CDH12: variants seen among roughly 807,000 people sequenced by gnomAD.
The protein encoded by CDH12 is cadherin 12.
CDH12 carries 41 observed loss-of-function variants against 74.1 expected under a neutral mutation model. The observed-to-expected ratio is 0.55, with a 90% CI of 0.43 to 0.72. The LOEUF is 0.72. CDH12 is among the 30% of genes least tolerant of loss of function. The probability of loss-of-function intolerance (pLI) is 0.00; values close to 1 mark genes in which losing one functional copy is unlikely to be tolerated. For missense variants in CDH12, 945 were observed against 977.2 expected, an observed-to-expected ratio of 0.97 and a Z score of 0.44; for synonymous variants, 399 against 355.0, an observed-to-expected ratio of 1.12 and a Z score of -1.39.
intron 3 of CDH12, among the ~76,000 whole-genome samples, chr5:22,252,212 T>G (rs1753160900): frequency 6.6e-6 from 1 of 152,172 alleles, no homozygotes; most frequent in South Asian, 2.1e-4. Context: ...GGGATTACTA[T>G]AATAGTACTG....
intron 2 of CDH12, among the ~76,000 whole-genome samples, chr5:22,499,631 C>G (rs905264049): frequency 1.3e-5 from 2 of 152,132 alleles, no homozygotes; most frequent in African/African-American, 2.4e-5. Flanking sequence ...GATATTTGAA[C>G]TAGAGGAGCA....
chr5:22,485,194 T>C (rs533294492), intron 2 of CDH12, among the ~76,000 whole-genome samples: 109 of 152,228 alleles, frequency 7.2e-4, no homozygotes, highest in East Asian at 3.5e-3. Context: ...CTTTTCTTTT[T>C]TTTTAGAGAC....
intron 4 of CDH12, among the ~76,000 whole-genome samples, chr5:22,135,193 A>G (rs1234994301): frequency 7.1e-6 from 1 of 141,212 alleles, no homozygotes. Context: ...CACATTAAAG[A>G]GGCTGAACAC....
intron 8 of CDH12, among the ~76,000 whole-genome samples, chr5:21,834,470 AG>A (rs1749420575): frequency 6.6e-6 from 1 of 151,910 alleles, no homozygotes; most frequent in Non-Finnish European, 1.5e-5. Flanking sequence ...TTAGAAGAAA[AG>A]CATGGCCCTA....
intron 1 of CDH12, among the ~76,000 whole-genome samples, chr5:22,578,357 A>G (rs1739899379): frequency 6.9e-6 from 1 of 144,208 alleles, no homozygotes; most frequent in South Asian, 2.3e-4. Flanking sequence ...GATATGAACT[A>G]TTAATATTTT....
At chr5:22,045,165 T>A (rs958828614) in intron 5 of CDH12, among the ~76,000 whole-genome samples, 3 of 152,262 alleles carry the variant, frequency 2.0e-5, no homozygotes, top group Admixed American at 1.3e-4. Flanking sequence ...AGAAGACATA[T>A]AAATGGCCAA....
intron 2 of CDH12, among the ~76,000 whole-genome samples, chr5:22,409,524 GA>G (rs1011016198): frequency 1.3e-5 from 2 of 151,716 alleles, no homozygotes; most frequent in African/African-American, 2.4e-5. Context: ...ATATTGATTT[GA>G]AAAAAATACA....
chr5:21,775,311 C>A (rs1745528092), intron 11 of CDH12, among the ~76,000 whole-genome samples: 1 of 152,176 alleles, frequency 6.6e-6, no homozygotes, highest in Non-Finnish European at 1.5e-5. Flanking sequence ...CCAATCAGTG[C>A]TTGTTCACAG....
At chr5:22,142,020 T>C (rs1006158153) in intron 4 of CDH12, among the ~76,000 whole-genome samples, 2 of 152,128 alleles carry the variant, frequency 1.3e-5, no homozygotes, top group Non-Finnish European at 2.9e-5. Context: ...ACATTACTCC[T>C]GGGCTTTTGG....
intron 3 of CDH12, among the ~76,000 whole-genome samples, chr5:22,389,913 G>A (rs1580597525): frequency 1.3e-5 from 2 of 152,062 alleles, no homozygotes; most frequent in South Asian, 4.2e-4. Context: ...CTCCCAAAGC[G>A]CTGGGATTAC....
intron 1 of CDH12, among the ~76,000 whole-genome samples, chr5:22,691,221 T>C (rs1441740331): frequency 6.6e-6 from 1 of 152,214 alleles, no homozygotes; most frequent in Non-Finnish European, 1.5e-5. Context: ...AAAAAGCCTG[T>C]GCTTCAATTG....
intron 2 of CDH12, among the ~76,000 whole-genome samples, chr5:22,449,407 T>C (rs1419392248): frequency 6.6e-6 from 1 of 152,074 alleles, no homozygotes; most frequent in Non-Finnish European, 1.5e-5. Context: ...GAATTCATTC[T>C]TTTCTCTGAA....
At chr5:22,701,264 C>A (rs945559786) in intron 1 of CDH12, among the ~76,000 whole-genome samples, 6 of 152,090 alleles carry the variant, frequency 3.9e-5, no homozygotes, top group African/African-American at 1.4e-4. Flanking sequence ...CCCATATCAG[C>A]AAATTGCACC....
chr5:22,725,003 T>G (rs1274085378), intron 1 of CDH12, among the ~76,000 whole-genome samples: 1 of 151,834 alleles, frequency 6.6e-6, no homozygotes, highest in East Asian at 1.9e-4. Flanking sequence ...TCAACTTAAT[T>G]TTACTGTGTT....
chr5:22,207,987 C>T (rs1751313190), intron 4 of CDH12, among the ~76,000 whole-genome samples: 1 of 152,132 alleles, frequency 6.6e-6, no homozygotes, highest in African/African-American at 2.4e-5. Flanking sequence ...TTTCTCAGAA[C>T]ACTACAATAG....
chr5:21,877,699 T>C (rs932354480), intron 6 of CDH12, among the ~76,000 whole-genome samples: 2 of 152,148 alleles, frequency 1.3e-5, no homozygotes, highest in East Asian at 1.9e-4. Context: ...CAGCTTCAAA[T>C]GAAAAATGTC....
At chr5:22,698,727 A>AG (rs1561586054) in intron 1 of CDH12, among the ~76,000 whole-genome samples, 160 of 9,058 alleles carry the variant, frequency 0.018, 12 homozygotes, top group Admixed American at 0.032. Flanking sequence ...ATATATATAT[A>AG]TATATATAGT....
intron 4 of CDH12, among the ~76,000 whole-genome samples, chr5:22,130,512 T>C (rs13157626): frequency 6.6e-6 from 1 of 152,118 alleles, no homozygotes; most frequent in Non-Finnish European, 1.5e-5. Context: ...TTTTCATTTT[T>C]TAGTCATAGG....
At chr5:22,328,901 A>C (rs1287498948) in intron 3 of CDH12, among the ~76,000 whole-genome samples, 1 of 152,208 alleles carries the variant, frequency 6.6e-6, no homozygotes, top group Non-Finnish European at 1.5e-5. Context: ...TTGGAAGAAT[A>C]AGAAGCCACA....
Sources: gnomAD v4.1 joint callset for allele counts (sites outside exome capture counted in the v4.1 genomes callset) on GRCh38, gnomAD v4.1.1 for gene constraint, MANE v1.5 for transcripts, NCBI Gene and HGNC (gene_info 2026-07-23, HGNC 2026-07-21) for gene names.